Variants in DGKB observed in about 807,000 individuals in gnomAD.
DGKB encodes the protein diacylglycerol kinase beta.
Under a neutral mutation model 114.3 loss-of-function variants are expected in DGKB, and 67 were observed. The ratio of observed to expected loss-of-function variants is 0.59; its 90% CI spans 0.48 to 0.72. The LOEUF is 0.72. Ranked by LOEUF, DGKB falls within the 30% of genes least tolerant of loss-of-function variation. The pLI is 0.00. For missense variants in DGKB, 907 were observed against 975.2 expected, an observed-to-expected ratio of 0.93 and a Z score of 0.93; for synonymous variants, 398 against 323.1, an observed-to-expected ratio of 1.23 and a Z score of -2.49.
chr7:14,280,837 C>T (rs927965916), intron 23 of DGKB, among the ~76,000 whole-genome samples: 4 of 151,368 alleles, frequency 2.6e-5, no homozygotes, highest in Admixed American at 6.6e-5. Context: ...ACCAGGCCTG[C>T]CCTAAAAGAG....
At chr7:14,324,451 A>AG (rs1808379247) in intron 23 of DGKB, among the ~76,000 whole-genome samples, 1 of 151,172 alleles carries the variant, frequency 6.6e-6, no homozygotes, top group African/African-American at 2.4e-5. Context: ...TGTCTCAAAA[A>AG]AAAAAAAAAA....
chr7:14,263,695 G>A (rs549318851), intron 23 of DGKB, among the ~76,000 whole-genome samples: 175 of 152,274 alleles, frequency 1.1e-3, no homozygotes, highest in Non-Finnish European at 1.7e-3. Context: ...TGAGAACATT[G>A]TAGATTCATA....
At chr7:14,578,709 T>C (rs929261107) in intron 19 of DGKB, among the ~76,000 whole-genome samples, 3 of 152,334 alleles carry the variant, frequency 2.0e-5, no homozygotes, top group Admixed American at 6.5e-5. Context: ...AAGTTCTCAT[T>C]TGGAGAACTA....
rs114025662 is a variant in DGKB, at chr7:14,803,546, T to C, written c.70+37648A>G. On this transcript the variant is annotated intron_variant, in intron 2 of 25. Transcript: ENST00000402815. ...TCATTTGTAAATTTTTGGTCGATTT[T>C]AAAGAATCAAATGGCTTTCTGTTTC... Among the ~76,000 whole-genome samples the C allele has an allele frequency of 5.1e-3, 774 of 152,304 alleles. 5 individuals carry two copies. The highest frequency in any genetic ancestry group is 0.018 in the African/African-American group (736 of 41,580).
rs973100221 is a variant in DGKB, at chr7:14,729,263, C to T, written c.322+6778G>A. ...TCAGCCTCCCGAGTAGCTGGGACTA[C>T]AGGCGCCTGCCACCACATCCGGCTA... On this transcript the variant is annotated intron_variant, in intron 5 of 25. Transcript: ENST00000402815. 6.0e-4 allele frequency among the ~76,000 whole-genome samples: 90 copies of T among 149,008 alleles called. 1 individual carries two copies. The highest frequency in any genetic ancestry group is 1.9e-3 in the African/African-American group (75 of 40,528).
intron 20 of DGKB, among the ~76,000 whole-genome samples, chr7:14,536,300 T>C (rs536159407): frequency 1.4e-4 from 22 of 152,318 alleles, no homozygotes; most frequent in African/African-American, 4.8e-4. Flanking sequence ...CAAACTCATA[T>C]GAGGTCAGCA....
In DGKB at chr7:14,364,343, AT is replaced by A. The variant is rs148807903; in HGVS notation, c.1836-18953del. ...TGGCAAGTGACCAAAATGAGGAGGC[AT>A]TTTTGGGGATTACTGGCTTAAACAA... On this transcript the variant is annotated intron_variant, in intron 21 of 25. Coordinates refer to ENST00000402815, the MANE Select transcript of DGKB (RefSeq NM_001350709.2). Among the ~76,000 whole-genome samples, 435 of 151,780 alleles carry A rather than the reference AT, an allele frequency of 2.9e-3. 2 individuals carry two copies. The highest frequency in any genetic ancestry group is 9.8e-3 in the African/African-American group (406 of 41,438).
At chr7:14,911,638 A>G (rs1478605863) in intron 1 of DGKB, among the ~76,000 whole-genome samples, 3 of 152,172 alleles carry the variant, frequency 2.0e-5, no homozygotes, top group Non-Finnish European at 4.4e-5. Context: ...TTTAAAAAAC[A>G]GACTGGCTTT....
chr7:14,270,033 A>G, intron 23 of DGKB, among the ~76,000 whole-genome samples: 1 of 135,578 alleles, frequency 7.4e-6, no homozygotes, highest in East Asian at 2.3e-4. Flanking sequence ...TAAGTTTATT[A>G]TAAGGCTTTT....
At chr7:14,854,333 T>C (rs1228430326) in intron 1 of DGKB, among the ~76,000 whole-genome samples, 1 of 152,162 alleles carries the variant, frequency 6.6e-6, no homozygotes, top group Non-Finnish European at 1.5e-5. Context: ...AAATCTGTTG[T>C]GTAAGACACT....
chr7:14,385,435 T>C (rs866238769), intron 21 of DGKB, among the ~76,000 whole-genome samples: 3 of 152,200 alleles, frequency 2.0e-5, no homozygotes, highest in Non-Finnish European at 4.4e-5. Flanking sequence ...GGAGAAGATA[T>C]CATGGCAGAA....
intron 1 of DGKB, among the ~76,000 whole-genome samples, chr7:14,971,036 G>GAGTCAAATA (rs1317915938): frequency 6.6e-6 from 1 of 152,116 alleles, no homozygotes; most frequent in Non-Finnish European, 1.5e-5. Context: ...TTTTCCCAAG[G>GAGTCAAATA]AGTCAAATAA....
At chr7:14,642,698 T>C (rs948493462) in intron 13 of DGKB, among the ~76,000 whole-genome samples, 1 of 152,220 alleles carries the variant, frequency 6.6e-6, no homozygotes, top group Non-Finnish European at 1.5e-5. Flanking sequence ...CTTTGAATGG[T>C]ATTGTGAAAT....
At chr7:14,548,040 C>A (rs933461686) in intron 20 of DGKB, among the ~76,000 whole-genome samples, 1 of 151,974 alleles carries the variant, frequency 6.6e-6, no homozygotes, top group African/African-American at 2.4e-5. Context: ...TTATCTATAC[C>A]TAGAAAGTAT....
chr7:14,254,130 C>T (rs773771308), intron 23 of DGKB, among the ~76,000 whole-genome samples: 8 of 152,182 alleles, frequency 5.3e-5, no homozygotes, highest in Middle Eastern at 3.4e-3. Flanking sequence ...TGAAAATTTT[C>T]GATCTAGAGG....
intron 17 of DGKB, among the ~76,000 whole-genome samples, chr7:14,602,624 T>C (rs967530373): frequency 1.3e-5 from 2 of 152,158 alleles, no homozygotes; most frequent in Non-Finnish European, 2.9e-5. Context: ...CTCCAGAGGA[T>C]ACAGCAAGAA....
chr7:14,288,718 G>T (rs1801275762), intron 23 of DGKB, among the ~76,000 whole-genome samples: 2 of 152,026 alleles, frequency 1.3e-5, no homozygotes, highest in Non-Finnish European at 2.9e-5. Context: ...CAGACTCCAT[G>T]GGCAATTCCC....
chr7:14,399,818 C>G (rs948448310), intron 21 of DGKB, among the ~76,000 whole-genome samples: 1 of 151,800 alleles, frequency 6.6e-6, no homozygotes, highest in Admixed American at 6.6e-5. Flanking sequence ...AGGGAACAGA[C>G]TATTCTGAAG....
intron 23 of DGKB, among the ~76,000 whole-genome samples, chr7:14,308,287 A>G (rs571015904): frequency 1.2e-4 from 18 of 152,064 alleles, no homozygotes; most frequent in Non-Finnish European, 2.1e-4. Flanking sequence ...CTAAATTTGG[A>G]CATTTTCATT....
Sources: gnomAD v4.1 joint callset for allele counts (sites outside exome capture counted in the v4.1 genomes callset) on GRCh38, gnomAD v4.1.1 for gene constraint, MANE v1.5 for transcripts, NCBI Gene and HGNC (gene_info 2026-07-23, HGNC 2026-07-21) for gene names.